PPP1R1C: variants seen among roughly 807,000 people sequenced by gnomAD.
PPP1R1C encodes protein phosphatase 1 regulatory subunit 1C.
Under a neutral mutation model 17.4 loss-of-function variants are expected in PPP1R1C, and 15 were observed. The observed-to-expected ratio is 0.86, with a 90% CI of 0.58 to 1.33. The LOEUF is 1.33. Among genes scored for constraint, PPP1R1C ranks in the 40% most tolerant of loss-of-function variants. The probability of loss-of-function intolerance (pLI) is 0.00; values close to 1 mark genes in which losing one functional copy is unlikely to be tolerated. For missense variants in PPP1R1C, 143 were observed against 130.0 expected (o/e 1.10, Z -0.48); for synonymous variants, 35 against 43.1 (o/e 0.81, Z 0.73).
intron 2 of PPP1R1C, among the ~76,000 whole-genome samples, chr2:181,979,633 A>G (rs1427611232): frequency 6.6e-6 from 1 of 152,166 alleles, no homozygotes; most frequent in Non-Finnish European, 1.5e-5. Flanking sequence ...GTATCGGGGT[A>G]TCTACTTTTG....
intron 2 of PPP1R1C, among the ~76,000 whole-genome samples, chr2:182,057,411 T>C (rs1327065531): frequency 6.6e-6 from 1 of 152,248 alleles, no homozygotes; most frequent in East Asian, 1.9e-4. Context: ...AACAGAACTC[T>C]GAGGGATAGT....
chr2:182,129,026 T>A (rs967889793), exon 6 of PPP1R1C: 32 of 152,144 alleles, frequency 2.1e-4, no homozygotes, highest in Admixed American at 1.9e-3. Flanking sequence ...GCTGTGCTTC[T>A]ACTCGAGCTT....
intron 4 of PPP1R1C, among the ~76,000 whole-genome samples, chr2:182,108,635 T>C (rs1418050197): frequency 1.3e-5 from 2 of 152,218 alleles, no homozygotes; most frequent in African/African-American, 2.4e-5. Context: ...AGATATTCCA[T>C]ATAAAACTTT....
intron 4 of PPP1R1C, among the ~76,000 whole-genome samples, chr2:182,086,215 T>A (rs1688624871): frequency 6.6e-6 from 1 of 152,100 alleles, no homozygotes; most frequent in African/African-American, 2.4e-5. Flanking sequence ...CTGTCACAAG[T>A]TAAGCTGTCA....
chr2:182,005,156 A>G (rs1013098197), intron 2 of PPP1R1C, among the ~76,000 whole-genome samples: 3 of 152,214 alleles, frequency 2.0e-5, no homozygotes, highest in African/African-American at 7.2e-5. Context: ...TTACTTTGAT[A>G]ACGTTGGCAA....
intron 2 of PPP1R1C, among the ~76,000 whole-genome samples, chr2:181,991,505 A>T (rs12611951): frequency 0.16 from 23,665 of 152,196 alleles, 2,133 homozygotes; most frequent in East Asian, 0.32. Flanking sequence ...GGCATGAGTC[A>T]GGGAAAGTTT....
At position 181,992,559 on chromosome 2, in the gene PPP1R1C, C is replaced by T. The variant is rs570696318; in HGVS notation, c.142+4660C>T. Among the ~76,000 whole-genome samples the T allele has an allele frequency of 4.5e-5, 6 of 134,188 alleles. 2 individuals carry two copies. The highest frequency in any genetic ancestry group is 2.5e-4 in the South Asian group (1 of 3,966). The allele number at this position is 134,188 out of a possible 152,430, so 88.0% of individuals were successfully genotyped here. On this transcript the variant is annotated intron_variant, in intron 2 of 4. Transcript: ENST00000682840. ...TTACAGTTATATTTAATGGACCTGA[C>T]GCCTACTAAACATGAGTGAGCTGTA...
chr2:182,074,600 G>A (rs1261091587), intron 4 of PPP1R1C, among the ~76,000 whole-genome samples: 2 of 152,000 alleles, frequency 1.3e-5, no homozygotes, highest in African/African-American at 4.8e-5. Context: ...TTCTTAGTGG[G>A]GCAAACTTAA....
chr2:182,084,546 T>C (rs541164951), intron 4 of PPP1R1C, among the ~76,000 whole-genome samples: 1 of 152,278 alleles, frequency 6.6e-6, no homozygotes, highest in African/African-American at 2.4e-5. Context: ...TTTTATGTTT[T>C]TGTATGCTTC....
intron 4 of PPP1R1C, among the ~76,000 whole-genome samples, chr2:182,079,002 T>C (rs1688395182): frequency 6.6e-6 from 1 of 152,248 alleles, no homozygotes; most frequent in South Asian, 2.1e-4. Context: ...GTTAATGTGA[T>C]GTGACTTTTC....
intron 1 of PPP1R1C, among the ~76,000 whole-genome samples, chr2:181,972,029 A>G (rs1307617527): frequency 6.6e-6 from 1 of 152,204 alleles, no homozygotes; most frequent in Non-Finnish European, 1.5e-5. Context: ...AAAACCAGGT[A>G]TTGTGATTGC....
chr2:181,983,298 C>A (rs550054916), upstream of PPP1R1C, among the ~76,000 whole-genome samples: 1 of 152,094 alleles, frequency 6.6e-6, no homozygotes. Context: ...TGGATGACCC[C>A]GGACAAATTA....
At chr2:182,120,957 G>A (rs1689719667), downstream of PPP1R1C, among the ~76,000 whole-genome samples, 1 of 152,090 alleles carries the variant, frequency 6.6e-6, no homozygotes, top group Non-Finnish European at 1.5e-5. Context: ...TCAATTAAAA[G>A]CTTAAGTTTT....
chr2:182,056,663 C>T (rs1460017480), intron 2 of PPP1R1C, among the ~76,000 whole-genome samples: 3 of 152,132 alleles, frequency 2.0e-5, no homozygotes, highest in Non-Finnish European at 4.4e-5. Flanking sequence ...ATATATGGGT[C>T]AGTGCTCTTT....
At chr2:181,985,287 G>A (rs1452331803), upstream of PPP1R1C, among the ~76,000 whole-genome samples, 2 of 152,198 alleles carry the variant, frequency 1.3e-5, no homozygotes. This position sits in a 1 kb window ranked among gnomAD's most constrained non-coding sequence, Gnocchi z 4.1. Context: ...AAAGGTCATT[G>A]AGTCCAATCC....
intron 2 of PPP1R1C, among the ~76,000 whole-genome samples, chr2:182,061,084 C>G (rs1051136653): frequency 6.6e-6 from 1 of 152,034 alleles, no homozygotes; most frequent in Non-Finnish European, 1.5e-5. Flanking sequence ...GACAAAGGCT[C>G]TCATTAATGG....
intron 2 of PPP1R1C, among the ~76,000 whole-genome samples, chr2:182,036,893 T>C (rs891422230): frequency 2.0e-5 from 3 of 152,172 alleles, no homozygotes; most frequent in Non-Finnish European, 4.4e-5. Context: ...CCTTCTGTTA[T>C]ATTAGCATGT....
downstream of PPP1R1C, among the ~76,000 whole-genome samples, chr2:182,121,419 T>A (rs1312834840): frequency 6.6e-6 from 1 of 152,212 alleles, no homozygotes; most frequent in Non-Finnish European, 1.5e-5. Context: ...TAACTTTATC[T>A]ACTTCATGAT....
downstream of PPP1R1C, among the ~76,000 whole-genome samples, chr2:182,119,233 A>G (rs1439884374): frequency 2.0e-5 from 3 of 151,848 alleles, no homozygotes; most frequent in East Asian, 5.8e-4. Flanking sequence ...AAGGACATGA[A>G]CTCATCATTT....
Sources: gnomAD v4.1 joint callset for allele counts (sites outside exome capture counted in the v4.1 genomes callset) on GRCh38, gnomAD v4.1.1 for gene constraint, Gnocchi (gnomAD v3.1) non-coding constraint, MANE v1.5 for transcripts, NCBI Gene and HGNC (gene_info 2026-07-23, HGNC 2026-07-21) for gene names.